Variants in SLC35F3 observed in about 807,000 individuals in gnomAD.
SLC35F3 encodes solute carrier family 35 member F3.
Under a neutral mutation model 49.9 loss-of-function variants are expected in SLC35F3, and 25 were observed. The ratio of observed to expected loss-of-function variants is 0.50; its 90% CI spans 0.37 to 0.70. SLC35F3 has a LOEUF of 0.70. SLC35F3 is among the 30% of genes least tolerant of loss of function. The pLI is 0.00. For missense variants in SLC35F3, 525 were observed against 639.8 expected (o/e 0.82, Z 1.94); for synonymous variants, 275 against 265.4 (o/e 1.04, Z -0.35).
intron 2 of SLC35F3, among the ~76,000 whole-genome samples, chr1:234,073,356 G>C (rs1216124053): frequency 6.6e-6 from 1 of 152,068 alleles, no homozygotes; most frequent in East Asian, 1.9e-4. Flanking sequence ...GTGTTACACA[G>C]ACTGGTCCTG....
intron 2 of SLC35F3, among the ~76,000 whole-genome samples, chr1:234,088,762 C>CT (rs1558226094): frequency 6.6e-6 from 1 of 152,012 alleles, no homozygotes; most frequent in Admixed American, 6.6e-5. Context: ...CAGAAGATTT[C>CT]TTTTTTTCTT....
At chr1:234,229,036 A>G (rs999931889) in intron 2 of SLC35F3, among the ~76,000 whole-genome samples, 2 of 152,146 alleles carry the variant, frequency 1.3e-5, no homozygotes, top group African/African-American at 4.8e-5. Context: ...ATTATTCTTT[A>G]TGGGTATATT....
At chr1:233,991,473 A>G (rs1191600197) in intron 2 of SLC35F3, among the ~76,000 whole-genome samples, 1 of 152,176 alleles carries the variant, frequency 6.6e-6, no homozygotes, top group Non-Finnish European at 1.5e-5. Flanking sequence ...TAAAGAAAAA[A>G]GAAAAAAAAC....
intron 2 of SLC35F3, among the ~76,000 whole-genome samples, chr1:233,920,013 C>G (rs1287192485): frequency 6.6e-6 from 1 of 152,132 alleles, no homozygotes; most frequent in Non-Finnish European, 1.5e-5. Flanking sequence ...GGTGAGTCAT[C>G]TCTAGGAGGG....
intron 2 of SLC35F3, among the ~76,000 whole-genome samples, chr1:234,020,494 C>T (rs556876342): frequency 3.9e-5 from 6 of 151,986 alleles, no homozygotes; most frequent in African/African-American, 1.4e-4. Flanking sequence ...CTTTTTTCTT[C>T]TTCCTCTCTG....
chr1:234,033,412 G>A (rs890868391), intron 2 of SLC35F3, among the ~76,000 whole-genome samples: 1 of 152,110 alleles, frequency 6.6e-6, no homozygotes, highest in Non-Finnish European at 1.5e-5. Context: ...TGGGATTCCT[G>A]GTAATGAATT....
At chr1:234,032,980 G>T (rs547217746) in intron 2 of SLC35F3, among the ~76,000 whole-genome samples, 2 of 151,846 alleles carry the variant, frequency 1.3e-5, no homozygotes, top group African/African-American at 4.8e-5. Flanking sequence ...ATATTCCCAC[G>T]AACAGTGTAA....
At chr1:233,945,447 T>C (rs543707113) in intron 2 of SLC35F3, among the ~76,000 whole-genome samples, 1 of 152,218 alleles carries the variant, frequency 6.6e-6, no homozygotes, top group Non-Finnish European at 1.5e-5. Flanking sequence ...TCCACAAGGA[T>C]GTGTCTGGTT....
intron 2 of SLC35F3, among the ~76,000 whole-genome samples, chr1:233,921,101 A>G (rs1209521425): frequency 6.6e-6 from 1 of 152,258 alleles, no homozygotes; most frequent in Non-Finnish European, 1.5e-5. Flanking sequence ...TAGAAGACAA[A>G]TCAGGATTCA....
chr1:234,106,567 T>C (rs547186174), intron 2 of SLC35F3, among the ~76,000 whole-genome samples: 1 of 152,312 alleles, frequency 6.6e-6, no homozygotes, highest in South Asian at 2.1e-4. Flanking sequence ...CCAGCTCTAG[T>C]GTCTTCCTCT....
chr1:233,912,282 A>AG (rs893872308), intron 2 of SLC35F3, among the ~76,000 whole-genome samples: 1 of 152,188 alleles, frequency 6.6e-6, no homozygotes, highest in Non-Finnish European at 1.5e-5. Context: ...GTTCAATACC[A>AG]GCCTGGCCAA....
At chr1:233,959,919 C>T (rs181547733) in intron 2 of SLC35F3, among the ~76,000 whole-genome samples, 1 of 152,346 alleles carries the variant, frequency 6.6e-6, no homozygotes, top group African/African-American at 2.4e-5. Context: ...TGCCCAACTT[C>T]TCTTTCAGGA....
At chr1:233,971,193 G>A (rs1262535363) in intron 2 of SLC35F3, among the ~76,000 whole-genome samples, 2 of 152,148 alleles carry the variant, frequency 1.3e-5, no homozygotes, top group African/African-American at 2.4e-5. Context: ...TTTCAGAGTC[G>A]TCAGCCAAGT....
chr1:234,060,867 T>A (rs1466117855), intron 2 of SLC35F3, among the ~76,000 whole-genome samples: 1 of 152,250 alleles, frequency 6.6e-6, no homozygotes, highest in African/African-American at 2.4e-5. Context: ...AACATAGCTT[T>A]GCTCCTACTC....
intron 2 of SLC35F3, among the ~76,000 whole-genome samples, chr1:234,148,683 G>C (rs1178626852): frequency 6.6e-6 from 1 of 152,176 alleles, no homozygotes; most frequent in African/African-American, 2.4e-5. Flanking sequence ...ACAAAGTATA[G>C]ATGGTGGTTT....
intron 2 of SLC35F3, among the ~76,000 whole-genome samples, chr1:234,099,818 T>C (rs547149730): frequency 6.6e-6 from 1 of 152,236 alleles, no homozygotes; most frequent in East Asian, 1.9e-4. Flanking sequence ...GAATGAAAGA[T>C]TGTGGAAAGC....
chr1:234,247,001 G>A (rs1667642309), intron 3 of SLC35F3, among the ~76,000 whole-genome samples: 1 of 152,230 alleles, frequency 6.6e-6, no homozygotes, highest in African/African-American at 2.4e-5. Flanking sequence ...TCTCAAAATA[G>A]CAGAAACCAC....
intron 2 of SLC35F3, among the ~76,000 whole-genome samples, chr1:234,174,510 G>C (rs746257493): frequency 6.6e-6 from 1 of 152,230 alleles, no homozygotes; most frequent in Non-Finnish European, 1.5e-5. Flanking sequence ...CCCTGTCTCT[G>C]AGAGAGCTGG....
rs1018775307 is a variant in SLC35F3 at position 234,027,467 on chromosome 1, C to T, written c.283+121709C>T. On this transcript the variant is annotated intron_variant, in intron 2 of 7. Transcript: ENST00000366618. This position sits in a 1 kb window ranked among gnomAD's most constrained non-coding sequence, Gnocchi z 4.1. ...CGACTTGAGTTTTGGAGGGGACACA[C>T]ATTCAAACCACAGCGATTAACTTTC... Among the ~76,000 whole-genome samples the T allele has an allele frequency of 6.6e-6, 1 of 152,208 alleles. No individual in the cohort carries two copies. Among genetic ancestry groups the T allele is most frequent in the African/African-American group, 2.4e-5 (1 of 41,456 alleles).
Sources: allele counts gnomAD v4.1 joint callset (sites outside exome capture counted in the v4.1 genomes callset), GRCh38; gene constraint gnomAD v4.1.1; non-coding constraint Gnocchi (gnomAD v3.1); transcripts MANE v1.5; gene names NCBI Gene and HGNC (gene_info 2026-07-23, HGNC 2026-07-21).